Variants in SHISA9 observed in about 807,000 individuals in gnomAD.
The protein encoded by SHISA9 is protein shisa-9.
SHISA9 carries 13 observed loss-of-function variants against 38.0 expected under a neutral mutation model. The observed-to-expected ratio is 0.34, with a 90% CI of 0.22 to 0.54. SHISA9 has a LOEUF of 0.54. Ranked by LOEUF, SHISA9 falls within the 20% of genes least tolerant of loss-of-function variation. The probability of loss-of-function intolerance (pLI) is 0.91; values close to 1 mark genes in which losing one functional copy is unlikely to be tolerated. For synonymous variants in SHISA9, 275 were observed against 242.0 expected (o/e 1.14, Z -1.27); for missense variants, 538 against 575.8 (o/e 0.93, Z 0.67).
chr16:13,440,840 T>G, the SHISA9 span, among the ~76,000 whole-genome samples: 1 of 151,876 alleles, frequency 6.6e-6, no homozygotes, highest in East Asian at 1.9e-4. Flanking sequence ...GAGAGTCGTT[T>G]GAACCCGGGA....
chr16:13,199,143 T>G (rs949726563), intron 2 of SHISA9, among the ~76,000 whole-genome samples: 4 of 152,140 alleles, frequency 2.6e-5, no homozygotes, highest in Non-Finnish European at 5.9e-5. Flanking sequence ...TTGAGCCTAG[T>G]AGGTTGAGTC....
intron 2 of SHISA9, among the ~76,000 whole-genome samples, chr16:12,935,458 A>C (rs538578994): frequency 1.3e-5 from 2 of 152,294 alleles, no homozygotes; most frequent in South Asian, 4.1e-4. Flanking sequence ...TTTTGTCTCT[A>C]ACTAGGCATA....
intron 2 of SHISA9, among the ~76,000 whole-genome samples, chr16:13,014,326 T>C (rs774707747): frequency 2.0e-5 from 3 of 152,202 alleles, no homozygotes; most frequent in African/African-American, 2.4e-5. Flanking sequence ...TAACGTGAGT[T>C]ATAAATCTCA....
chr16:13,436,864 TA>T, the SHISA9 span, among the ~76,000 whole-genome samples: 2 of 152,294 alleles, frequency 1.3e-5, no homozygotes, highest in South Asian at 2.1e-4. Context: ...AGTAAATGAT[TA>T]AAAGCAAGCA....
At chr16:13,032,326 C>T (rs982519849) in intron 2 of SHISA9, among the ~76,000 whole-genome samples, 2 of 152,132 alleles carry the variant, frequency 1.3e-5, no homozygotes, top group Admixed American at 6.5e-5. Context: ...TTTCCAGCAT[C>T]ATCCATGTCC....
At chr16:13,012,116 G>C (rs944063408) in intron 2 of SHISA9, among the ~76,000 whole-genome samples, 6 of 152,040 alleles carry the variant, frequency 3.9e-5, no homozygotes, top group African/African-American at 1.5e-4. Context: ...ATGAACCACT[G>C]TGCCCAGCCC....
intron 2 of SHISA9, among the ~76,000 whole-genome samples, chr16:13,095,288 G>T (rs1210832776): frequency 6.6e-6 from 1 of 152,224 alleles, no homozygotes; most frequent in African/African-American, 2.4e-5. Flanking sequence ...CTGCTTTTGT[G>T]CTTTGAAGCT....
At chr16:13,375,916 G>T in the SHISA9 span, among the ~76,000 whole-genome samples, 6 of 152,128 alleles carry the variant, frequency 3.9e-5, no homozygotes, top group African/African-American at 1.4e-4. Context: ...TTGGCAGGCT[G>T]ATCCTAAAAT....
At chr16:13,157,636 C>T (rs146141016) in intron 2 of SHISA9, among the ~76,000 whole-genome samples, 1 of 152,280 alleles carries the variant, frequency 6.6e-6, no homozygotes, top group African/African-American at 2.4e-5. Flanking sequence ...CTCAGGCAGA[C>T]CTGGGCAGCT....
chr16:13,556,733 C>G, the SHISA9 span, among the ~76,000 whole-genome samples: 3 of 152,128 alleles, frequency 2.0e-5, no homozygotes, highest in South Asian at 6.2e-4. Context: ...TCTCCCTCCT[C>G]AGATTCAACC....
At chr16:12,984,370 C>T (rs536652253) in intron 2 of SHISA9, among the ~76,000 whole-genome samples, 2 of 152,254 alleles carry the variant, frequency 1.3e-5, no homozygotes, top group African/African-American at 2.4e-5. Flanking sequence ...TTACTTTACC[C>T]CCAAATATGA....
rs1489678387 is a variant in SHISA9 at position 13,037,100 on chromosome 16, A to AC, written c.691+120286dup. 7.2e-5 allele frequency among the ~76,000 whole-genome samples: 5 copies of AC among 69,030 alleles called. 1 individual carries two copies. The highest frequency in any genetic ancestry group is 5.4e-4 in the Admixed American group (4 of 7,448). The allele number at this position is 69,030 out of a possible 152,430, so 45.3% of individuals were successfully genotyped here. ...CACACACACCACACCACACACACAC[A>AC]CACACACAGACACACACACACACAC... is the stretch of plus-strand genomic sequence containing the variant. On this transcript the variant is annotated intron_variant, in intron 2 of 4. Coordinates refer to ENST00000558583, the MANE Select transcript of SHISA9 (RefSeq NM_001145204.3).
the SHISA9 span, among the ~76,000 whole-genome samples, chr16:13,418,298 G>A: frequency 6.6e-6 from 1 of 152,122 alleles, no homozygotes. Context: ...ATTTTAATAT[G>A]CCTATGATTC....
chr16:13,117,680 G>C (rs1403704223), intron 2 of SHISA9, among the ~76,000 whole-genome samples: 1 of 152,158 alleles, frequency 6.6e-6, no homozygotes, highest in Non-Finnish European at 1.5e-5. Context: ...TTCTTCCCTA[G>C]AGCCTTGGGA....
chr16:13,100,991 C>T (rs1282658802), intron 2 of SHISA9, among the ~76,000 whole-genome samples: 2 of 152,202 alleles, frequency 1.3e-5, no homozygotes, highest in Non-Finnish European at 2.9e-5. Context: ...CCACTGTGCT[C>T]ACCCCGAGTT....
the SHISA9 span, among the ~76,000 whole-genome samples, chr16:13,363,955 G>A: frequency 3.9e-5 from 6 of 152,178 alleles, no homozygotes; most frequent in South Asian, 6.2e-4. Flanking sequence ...CAGAAACTCT[G>A]GGGACAGAGC....
At chr16:13,012,420 G>A (rs2072689730) in intron 2 of SHISA9, among the ~76,000 whole-genome samples, 1 of 152,138 alleles carries the variant, frequency 6.6e-6, no homozygotes, top group Non-Finnish European at 1.5e-5. Flanking sequence ...CAAGGGCCCT[G>A]AGGTCAGGCT....
intron 2 of SHISA9, among the ~76,000 whole-genome samples, chr16:13,034,019 G>A (rs80099040): frequency 0.026 from 4,029 of 152,098 alleles, 113 homozygotes; most frequent in East Asian, 0.12. Flanking sequence ...GGTGGCGCAT[G>A]CCTGTAATGC....
chr16:13,350,810 C>T, the SHISA9 span, among the ~76,000 whole-genome samples: 1 of 152,176 alleles, frequency 6.6e-6, no homozygotes, highest in Non-Finnish European at 1.5e-5. Flanking sequence ...TGTTGAATGG[C>T]TGGCTTTAAG....
Sources: allele counts gnomAD v4.1 joint callset (sites outside exome capture counted in the v4.1 genomes callset), GRCh38; gene constraint gnomAD v4.1.1; transcripts MANE v1.5; gene names NCBI Gene and HGNC (gene_info 2026-07-23, HGNC 2026-07-21).